BZW2: variants seen among roughly 807,000 people sequenced by gnomAD.
BZW2 encodes the protein eIF5-mimic protein 1.
A neutral mutation model predicts 53.2 loss-of-function variants in BZW2; 23 were observed. The observed-to-expected ratio is 0.43, with a 90% confidence interval of 0.31 to 0.61. BZW2 has a LOEUF of 0.61. BZW2 is among the 20% of genes least tolerant of loss of function. The pLI, the probability that BZW2 is intolerant of heterozygous loss-of-function variation, is 0.09. For synonymous variants in BZW2, 227 were observed against 186.4 expected, an observed-to-expected ratio of 1.22 and a Z score of -1.77; for missense variants, 409 against 503.1, an observed-to-expected ratio of 0.81 and a Z score of 1.79.
At chr7:16,691,712 G>A (rs1783312614) in intron 7 of BZW2, among the ~76,000 whole-genome samples, 1 of 152,260 alleles carries the variant, frequency 6.6e-6, no homozygotes, top group African/African-American at 2.4e-5. Flanking sequence ...AGAAGAGAAG[G>A]TGTATGATTG....
chr7:16,649,622 T>G (rs1253181441), intron 1 of BZW2, among the ~76,000 whole-genome samples: 1 of 152,236 alleles, frequency 6.6e-6, no homozygotes, highest in East Asian at 1.9e-4. Flanking sequence ...AGGGTACTGT[T>G]TGTCTTGACA....
At chr7:16,697,991 T>C in intron 9 of BZW2, 57 bp from the exon 10 acceptor site, 2 of 1,599,476 alleles carry the variant, frequency 1.3e-6, no homozygotes, top group Non-Finnish European at 1.7e-6. Flanking sequence ...GTTCCAGCAG[T>C]GTCGGCTCTG....
intron 1 of BZW2, among the ~76,000 whole-genome samples, chr7:16,660,274 G>A (rs879659338): frequency 6.6e-6 from 1 of 151,784 alleles, no homozygotes; most frequent in Admixed American, 6.6e-5. Flanking sequence ...AATTAGCCGG[G>A]CCTGGTAGTG....
intron 1 of BZW2, among the ~76,000 whole-genome samples, chr7:16,658,356 T>C (rs577134427): frequency 6.6e-6 from 1 of 152,350 alleles, no homozygotes; most frequent in African/African-American, 2.4e-5. Flanking sequence ...ATATTTAAAA[T>C]GTAATTTTTG....
intron 1 of BZW2, among the ~76,000 whole-genome samples, chr7:16,662,503 G>C (rs1782297016): frequency 6.6e-6 from 1 of 152,022 alleles, no homozygotes; most frequent in Non-Finnish European, 1.5e-5. Context: ...TCCATTAACA[G>C]AAAAAAGAAA....
intron 6 of BZW2, chr7:16,687,213 C>A (rs1188069392): frequency 6.6e-6 from 1 of 152,086 alleles, no homozygotes; most frequent in East Asian, 1.9e-4. Context: ...GTTATAGAAA[C>A]TAGATGGTGG....
chr7:16,684,232 T>C (rs1167980492), intron 5 of BZW2, among the ~76,000 whole-genome samples: 1 of 152,256 alleles, frequency 6.6e-6, no homozygotes, highest in East Asian at 1.9e-4. Context: ...AACCATTTGG[T>C]AGTAGTTTGA....
At chr7:16,663,028 A>G (rs1782312763) in intron 1 of BZW2, among the ~76,000 whole-genome samples, 1 of 152,218 alleles carries the variant, frequency 6.6e-6, no homozygotes, top group African/African-American at 2.4e-5. Context: ...TTGCAACAAT[A>G]AAGTATTGGC....
intron 1 of BZW2, among the ~76,000 whole-genome samples, chr7:16,649,392 A>G (rs1252486037): frequency 1.3e-5 from 2 of 152,232 alleles, no homozygotes; most frequent in African/African-American, 4.8e-5. Flanking sequence ...GGCACTAAGC[A>G]CGCACAATCA....
At chr7:16,675,065 A>C (rs1441753198) in intron 3 of BZW2, among the ~76,000 whole-genome samples, 1 of 152,260 alleles carries the variant, frequency 6.6e-6, no homozygotes, top group Non-Finnish European at 1.5e-5. Context: ...ATAGAAGATT[A>C]GAAATTGTTA....
At chr7:16,686,742 A>G (rs56105606) in intron 6 of BZW2, 2 of 152,324 alleles carry the variant, frequency 1.3e-5, no homozygotes, top group South Asian at 2.1e-4. Context: ...TTCCTCCTAC[A>G]TATATGAAGT....
rs114076463 is a variant in BZW2 at position 16,679,025 on chromosome 7, G to T, written c.236-2276G>T. On this transcript the variant is annotated intron_variant, in intron 3 of 11. Coordinates refer to ENST00000258761, the MANE Select transcript of BZW2 (RefSeq NM_014038.3). The stretch of plus-strand genomic sequence containing the variant: ...AATTACTGATGAAGGTCCATGTCCC[G>T]CTGGGCACACACTGTCATTGATAAA... Among the ~76,000 whole-genome samples the T allele has an allele frequency of 7.3e-3, 1,111 of 152,176 alleles. 17 individuals are homozygous for T. The highest frequency in any genetic ancestry group is 0.025 in the African/African-American group (1,038 of 41,520).
intron 5 of BZW2, 71 bp from the exon 6 acceptor site, chr7:16,685,834 T>G: frequency 6.8e-7 from 1 of 1,460,938 alleles, no homozygotes; most frequent in South Asian, 1.4e-5. Context: ...CTTCAGTCCT[T>G]TGCTTCATAG....
At chr7:16,647,711 T>A (rs1781901818) in intron 1 of BZW2, among the ~76,000 whole-genome samples, 1 of 152,200 alleles carries the variant, frequency 6.6e-6, no homozygotes, top group African/African-American at 2.4e-5. Flanking sequence ...TGCTGTTAGT[T>A]CAGAGTTACA....
intron 3 of BZW2, among the ~76,000 whole-genome samples, chr7:16,678,647 A>G (rs1008199771): frequency 2.0e-5 from 3 of 152,232 alleles, no homozygotes; most frequent in Non-Finnish European, 4.4e-5. Flanking sequence ...TATCAAAAGC[A>G]ATAGCAATAA....
chr7:16,654,318 T>C (rs191902010), intron 1 of BZW2, among the ~76,000 whole-genome samples: 1 of 152,088 alleles, frequency 6.6e-6, no homozygotes, highest in Admixed American at 6.6e-5. Context: ...GGACATTTCC[T>C]TCTCTATAAG....
intron 2 of BZW2, 67 bp downstream of exon 2, chr7:16,665,568 C>G (rs1277559732): frequency 2.5e-6 from 4 of 1,577,320 alleles, no homozygotes; most frequent in East Asian, 4.7e-5. Context: ...GGAGAAGAAT[C>G]TGAATGATCC....
At chr7:16,682,749 A>C in intron 4 of BZW2, 31 bp from the exon 5 acceptor site, 18 of 1,443,462 alleles carry the variant, frequency 1.2e-5, no homozygotes, top group Non-Finnish European at 1.7e-5. Context: ...TTTTTGGTTG[A>C]CCTAATATTT....
intron 1 of BZW2, among the ~76,000 whole-genome samples, chr7:16,650,835 G>T (rs1325007568): frequency 1.3e-5 from 2 of 152,162 alleles, no homozygotes. Flanking sequence ...TCTAAATTTG[G>T]CGTGTATTAA....
Sources: allele counts gnomAD v4.1 joint callset (sites outside exome capture counted in the v4.1 genomes callset), GRCh38; gene constraint gnomAD v4.1.1; transcripts MANE v1.5; gene names NCBI Gene and HGNC (gene_info 2026-07-23, HGNC 2026-07-21).